The following DUSP19 variants were observed in gnomAD, a reference collection of about 807,000 sequenced individuals.
The protein encoded by DUSP19 is dual specificity protein phosphatase 19.
A neutral mutation model predicts 16.6 loss-of-function variants in DUSP19; 14 were observed. The observed-to-expected ratio is 0.84, with a 90% CI of 0.56 to 1.32. The LOEUF (loss-of-function observed/expected upper bound fraction) is 1.32. Among genes scored for constraint, DUSP19 ranks in the 40% most tolerant of loss-of-function variants. The pLI is 0.00. For missense variants in DUSP19, 258 were observed against 255.9 expected (o/e 1.01, Z -0.06); for synonymous variants, 81 against 90.5 (o/e 0.90, Z 0.59).
Position 183,079,302 on chromosome 2 carries a change from C to T in DUSP19, c.226+143C>T. 3.7e-6 allele frequency: 3 copies of T among 814,998 alleles called. No homozygotes were observed. In the South Asian group the frequency reaches 5.6e-5, roughly 15 times the overall value. 50.5% of individuals were successfully genotyped at this position (814,998 alleles called of 1,614,324 possible). ...GTTTCCTTTTTTGGATATGGAACTTCCATTAGCCAGCTAGAGCCGTTTCTG... is the reference window on the plus strand; with the variant it reads ...GTTTCCTTTTTTGGATATGGAACTTTCATTAGCCAGCTAGAGCCGTTTCTG... On this transcript the variant is annotated intron_variant, in intron 1 of 3. Coordinates refer to ENST00000354221, the MANE Select transcript of DUSP19 (RefSeq NM_080876.4).
rs144672228 is a variant in DUSP19, at chr2:183,098,693, C to T, written c.*3035C>T. 5 of 152,124 alleles carry T rather than the reference C, an allele frequency of 3.3e-5. No individual in the cohort carries two copies. The highest frequency in any genetic ancestry group is 3.4e-3 in the Middle Eastern group (1 of 294). The allele number at this position is 152,124 out of a possible 1,614,324, so 9.4% of individuals were successfully genotyped here. A position where few individuals can be genotyped will look rare whatever the true frequency, so the allele number is the denominator to read the frequency against. On this transcript the variant is annotated 3_prime_UTR_variant, in exon 4 of 4. Transcript: ENST00000354221. ...GAAAAGAAATATGGAGGCTTTAAAC[C>T]GCAAACTGAAAAAGCTGAGTAGAAC...
intron 3 of DUSP19, among the ~76,000 whole-genome samples, chr2:183,092,416 C>T (rs187992686): frequency 5.2e-4 from 79 of 152,238 alleles, no homozygotes; most frequent in African/African-American, 1.8e-3. Context: ...GACAGGCCCC[C>T]AGTTTGTGTT....
At chr2:183,083,453 A>G in intron 1 of DUSP19, 55 bp from the exon 2 acceptor site, 1 of 1,475,786 alleles carries the variant, frequency 6.8e-7, no homozygotes, top group Non-Finnish European at 9.2e-7. Flanking sequence ...AAATTTATAT[A>G]AAAGTTCAAG....
chr2:183,090,155 G>A (rs528725529), intron 3 of DUSP19, among the ~76,000 whole-genome samples: 1 of 152,168 alleles, frequency 6.6e-6, no homozygotes, highest in South Asian at 2.1e-4. Flanking sequence ...TCATGCCTTT[G>A]TCTATTTTAT....
chr2:183,092,511 G>A (rs964921990), intron 3 of DUSP19, among the ~76,000 whole-genome samples: 7 of 151,916 alleles, frequency 4.6e-5, no homozygotes, highest in African/African-American at 9.7e-5. Flanking sequence ...CTGTTCCTGC[G>A]TCAGTTTCCT....
At position 183,085,130 on chromosome 2, in the gene DUSP19, G is replaced by C. The variant is rs1388098054; in HGVS notation, c.273+1576G>C. On this transcript the variant is annotated intron_variant, in intron 2 of 3. Coordinates refer to ENST00000354221, the MANE Select transcript of DUSP19 (RefSeq NM_080876.4). Reference sequence around the variant, plus strand: ...GTGGATATGTAGGGTCTGAAGTTCAGAATAGAGGTGAATATATAGATTTAG... The same window carrying C: ...GTGGATATGTAGGGTCTGAAGTTCACAATAGAGGTGAATATATAGATTTAG... Among the ~76,000 whole-genome samples, 25 of 152,176 alleles carry C rather than the reference G, an allele frequency of 1.6e-4. 1 individual carries two copies. Among genetic ancestry groups the C allele is most frequent in the Admixed American group, 1.6e-3 (25 of 15,268 alleles).
rs1005812893 is a variant in DUSP19, at chr2:183,095,873, C to T, written c.*215C>T. 3 of 348,136 alleles carry T rather than the reference C, an allele frequency of 8.6e-6. No individual in the cohort carries two copies. The highest frequency in any genetic ancestry group is 7.6e-4 in the Middle Eastern group (1 of 1,316). The allele number at this position is 348,136 out of a possible 1,614,324, so 21.6% of individuals were successfully genotyped here. On this transcript the variant is annotated 3_prime_UTR_variant, in exon 4 of 4. Coordinates refer to ENST00000354221, the MANE Select transcript of DUSP19 (RefSeq NM_080876.4). ...TGTTATTATAATGTGTGATTAAATG[C>T]TTTTTTAAATTGCTAAGGGAAAATA...
chr2:183,080,913 C>T (rs1156392375), intron 1 of DUSP19, among the ~76,000 whole-genome samples: 1 of 152,202 alleles, frequency 6.6e-6, no homozygotes, highest in Non-Finnish European at 1.5e-5. Context: ...AGTTCTTCTA[C>T]ATGAATGTTG....
intron 1 of DUSP19, among the ~76,000 whole-genome samples, chr2:183,080,620 T>C (rs1474104467): frequency 1.3e-5 from 2 of 152,228 alleles, no homozygotes; most frequent in Non-Finnish European, 2.9e-5. Flanking sequence ...AATTTTCATA[T>C]ATCATTCACC....
chr2:183,079,298 A>G (rs1315007158), intron 1 of DUSP19, 139 bp downstream of exon 1: 1 of 848,512 alleles, frequency 1.2e-6, no homozygotes, highest in Non-Finnish European at 1.8e-6. Context: ...TGGATATGGA[A>G]CTTCCATTAG....
At chr2:183,092,770 C>G (rs1699749307) in intron 3 of DUSP19, among the ~76,000 whole-genome samples, 1 of 138,606 alleles carries the variant, frequency 7.2e-6, no homozygotes, top group African/African-American at 2.7e-5. Context: ...GTGGCATGAT[C>G]TCAGCTCACT....
rs551332312 is a variant in DUSP19 at position 183,089,477 on chromosome 2, T to G, written c.426+2285T>G. Among the ~76,000 whole-genome samples, 5 of 152,282 alleles carry G rather than the reference T, an allele frequency of 3.3e-5. No individual in the cohort carries two copies. In the South Asian group the frequency reaches 1.0e-3, roughly 32 times the overall value. ...ACATTCCACTCTTTCAGCAGCCACC[T>G]CGAAGCCAAATCTAACACCCAGTAA... On this transcript the variant is annotated intron_variant, in intron 3 of 3. Transcript: ENST00000354221.
rs770484426 is a variant in DUSP19 at position 183,095,740 on chromosome 2, C to G, written c.*82C>G. The G allele has an allele frequency of 9.2e-7, 1 of 1,088,556 alleles. No homozygotes were observed. The highest frequency in any genetic ancestry group is 1.3e-6 in the Non-Finnish European group (1 of 763,116). The allele number at this position is 1,088,556 out of a possible 1,614,324, so 67.4% of individuals were successfully genotyped here. On this transcript the variant is annotated 3_prime_UTR_variant, in exon 4 of 4. Coordinates refer to ENST00000354221, the MANE Select transcript of DUSP19 (RefSeq NM_080876.4). ...TCTTTTCCCTTTTTTGGAGAGTAGA[C>G]TAGCAAAACTCCCTTTTTTCTCTTG... is the stretch of plus-strand genomic sequence containing the variant.
intron 1 of DUSP19, 80 bp downstream of exon 1, chr2:183,079,239 A>T: frequency 1.5e-6 from 2 of 1,320,076 alleles, no homozygotes; most frequent in Non-Finnish European, 2.1e-6. Flanking sequence ...TATGCGTAAT[A>T]GTCTGTATTA....
In DUSP19 at chr2:183,083,074, A is replaced by G. The variant is rs1699614875; in HGVS notation, c.227-434A>G. 3.3e-5 allele frequency among the ~76,000 whole-genome samples: 5 copies of G among 151,242 alleles called. No homozygotes were observed. The Admixed American group carries it at 3.3e-4, about 10-fold the overall frequency. ...GCACTACCATGCCTGGCTAATTAAA[A>G]AAAATTTTTTTTCTATAGACAGGGT... On this transcript the variant is annotated intron_variant, in intron 1 of 3. Transcript: ENST00000354221.
chr2:183,095,426 T>C lies in DUSP19; in HGVS notation c.427-5T>C. 6.4e-7 allele frequency: 1 copy of C among 1,574,330 alleles called. No individual in the cohort carries two copies. The highest frequency in any genetic ancestry group is 1.4e-5 in the African/African-American group (1 of 72,682). ...GAAGATTTTTGTTTGTTTTTTTTTT[T>C]GTAGGATGGAGTGGTTCTTGTTCAT... On this transcript the variant is annotated splice_polypyrimidine_tract_variant and splice_region_variant and intron_variant, in intron 3 of 3. Coordinates refer to ENST00000354221, the MANE Select transcript of DUSP19 (RefSeq NM_080876.4).
intron 3 of DUSP19, among the ~76,000 whole-genome samples, chr2:183,089,755 T>A (rs1169302353): frequency 6.6e-6 from 1 of 152,226 alleles, no homozygotes; most frequent in African/African-American, 2.4e-5. Context: ...AAATATGTTC[T>A]ACCCTCTCAA....
In DUSP19 at chr2:183,095,441, T is replaced by C. The variant is rs1699787281; in HGVS notation, c.437T>C (p.Val146Ala). ...IEEAKRKDGV[V>A]LVHCNAGVSR... ...TTTTTTTTTTTGTAGGATGGAGTGG[T>C]TCTTGTTCATTGTAATGCAGGCGTT... Residue 146 changes from valine (V) to alanine (A), a missense_variant, in exon 4 of 4, where the codon GTT becomes GCT. Val to Ala is a moderately conservative substitution (Grantham distance 64). Transcript: ENST00000354221. 1.9e-6 allele frequency: 3 copies of C among 1,606,968 alleles called. No individual in the cohort carries two copies. The highest frequency in any genetic ancestry group is 2.6e-6 in the Non-Finnish European group (3 of 1,176,034).
In DUSP19 at chr2:183,087,149, A is replaced by G. The variant is rs1182533104; in HGVS notation, c.383A>G (p.Tyr128Cys). 10 of 1,613,338 alleles carry G rather than the reference A, an allele frequency of 6.2e-6. No individual in the cohort carries two copies. Among genetic ancestry groups the G allele is most frequent in the Admixed American group, 1.7e-5 (1 of 59,946 alleles). Residue 128 changes from tyrosine (Y) to cysteine (C), a missense_variant, in exon 3 of 4, where the codon TAT (tyrosine) becomes TGT (cysteine). Physicochemically the swap from Tyr to Cys is radical, Grantham distance 194. Transcript: ENST00000354221. The part of the protein sequence containing the change: ...LDLPETNILS[Y>C]FPECFEFIEE... ...CTGCCTGAAACCAACATCCTGTCTT[A>G]TTTTCCAGAATGTTTTGAATTTATT...
Sources: allele counts gnomAD v4.1 joint callset (sites outside exome capture counted in the v4.1 genomes callset), GRCh38; gene constraint gnomAD v4.1.1; transcripts MANE v1.5; gene names NCBI Gene and HGNC (gene_info 2026-07-23, HGNC 2026-07-21).